NBAS: variants seen among roughly 807,000 people sequenced by gnomAD.
The protein encoded by NBAS is NAG/BC035112 fusion.
A neutral mutation model predicts 302.5 loss-of-function variants in NBAS; 219 were observed. The observed-to-expected ratio is 0.72, with a 90% CI of 0.65 to 0.81. NBAS has a LOEUF of 0.81. Ranked by LOEUF, NBAS falls within the 30% of genes least tolerant of loss-of-function variation. NBAS has a pLI of 0.00. For synonymous variants in NBAS, 1,118 were observed against 1,021.6 expected (o/e 1.09, Z -1.80); for missense variants, 2,932 against 2,841.6 (o/e 1.03, Z -0.72).
intron 50 of NBAS, among the ~76,000 whole-genome samples, chr2:15,186,417 C>T (rs72776608): frequency 0.044 from 6,645 of 152,150 alleles, 313 homozygotes; most frequent in East Asian, 0.17. Flanking sequence ...ACCAACTGGC[C>T]TAGTTCAGAC....
At chr2:15,497,784 G>A (rs1024228096) in intron 11 of NBAS, among the ~76,000 whole-genome samples, 1 of 152,120 alleles carries the variant, frequency 6.6e-6, no homozygotes, top group African/African-American at 2.4e-5. Flanking sequence ...TATTGATGTT[G>A]ATAGCATCCC....
the NBAS span, among the ~76,000 whole-genome samples, chr2:14,921,526 T>C: frequency 1.3e-5 from 2 of 152,180 alleles, no homozygotes; most frequent in Non-Finnish European, 2.9e-5. Flanking sequence ...AATGTCTGAA[T>C]TTTGGCTCCT....
intron 10 of NBAS, among the ~76,000 whole-genome samples, chr2:15,508,961 G>A (rs1196250559): frequency 2.0e-5 from 3 of 151,966 alleles, no homozygotes; most frequent in Non-Finnish European, 4.4e-5. Flanking sequence ...CAAGAAAGCC[G>A]CAGACATCAT....
chr2:15,191,000 AT>A (rs762843193), intron 48 of NBAS, among the ~76,000 whole-genome samples: 4 of 152,026 alleles, frequency 2.6e-5, no homozygotes, highest in Admixed American at 2.0e-4. Flanking sequence ...TAACTAAACG[AT>A]TTTTCTTTTA....
chr2:15,459,734 C>T (rs1290632011), intron 21 of NBAS, among the ~76,000 whole-genome samples: 2 of 152,170 alleles, frequency 1.3e-5, no homozygotes, highest in Non-Finnish European at 2.9e-5. Context: ...CCACCTCGGC[C>T]TCCCAAAGTG....
chr2:15,097,325 C>T, the NBAS span, among the ~76,000 whole-genome samples: 9 of 152,174 alleles, frequency 5.9e-5, no homozygotes, highest in East Asian at 9.7e-4. Flanking sequence ...TAAGTCAGGG[C>T]GCAGAATCCC....
At chr2:15,037,631 A>G in the NBAS span, among the ~76,000 whole-genome samples, 1 of 152,278 alleles carries the variant, frequency 6.6e-6, no homozygotes, top group African/African-American at 2.4e-5. Flanking sequence ...ATTTTTGTAA[A>G]TAACAAAATG....
chr2:15,453,827 G>A (rs544097159), intron 21 of NBAS, among the ~76,000 whole-genome samples: 39 of 151,482 alleles, frequency 2.6e-4, no homozygotes, highest in Non-Finnish European at 5.0e-4. Flanking sequence ...TCACCAGGCT[G>A]GAGTGCAGTG....
At chr2:15,220,528 G>T (rs547408405) in intron 47 of NBAS, among the ~76,000 whole-genome samples, 1 of 152,136 alleles carries the variant, frequency 6.6e-6, no homozygotes, top group Admixed American at 6.5e-5. Context: ...ATGAATGCTT[G>T]GTTATTATAG....
chr2:15,051,665 C>G, the NBAS span, among the ~76,000 whole-genome samples: 1 of 152,224 alleles, frequency 6.6e-6, no homozygotes, highest in African/African-American at 2.4e-5. Context: ...AGTGTACCAT[C>G]ACCATAATTA....
chr2:15,306,414 C>G (rs1374480180), intron 40 of NBAS, among the ~76,000 whole-genome samples: 1 of 152,158 alleles, frequency 6.6e-6, no homozygotes, highest in Non-Finnish European at 1.5e-5. Context: ...CCAATATACA[C>G]CCAATAGTGA....
At chr2:15,363,867 G>A (rs1389788427) in intron 32 of NBAS, among the ~76,000 whole-genome samples, 3 of 152,198 alleles carry the variant, frequency 2.0e-5, no homozygotes, top group Non-Finnish European at 4.4e-5. Context: ...TACACATAAA[G>A]TGGAAGTGAT....
chr2:15,211,159 T>G (rs936201508), intron 48 of NBAS, among the ~76,000 whole-genome samples: 6 of 152,194 alleles, frequency 3.9e-5, no homozygotes, highest in Non-Finnish European at 7.3e-5. Flanking sequence ...GATAAATGCT[T>G]GAGGTGGTAC....
the NBAS span, among the ~76,000 whole-genome samples, chr2:15,034,108 AAGAAGG>A: frequency 2.8e-4 from 41 of 145,588 alleles, no homozygotes; most frequent in East Asian, 6.7e-3. Flanking sequence ...GGAGAAGGAG[AAGAAGG>A]AGAAGGAGAA....
At chr2:14,807,015 G>A in the NBAS span, among the ~76,000 whole-genome samples, 1 of 151,848 alleles carries the variant, frequency 6.6e-6, no homozygotes, top group African/African-American at 2.4e-5. Context: ...TATCTTCACA[G>A]CTTCTCTACA....
chr2:15,153,092 A>G, the NBAS span, among the ~76,000 whole-genome samples: 4 of 152,204 alleles, frequency 2.6e-5, no homozygotes, highest in Admixed American at 6.5e-5. Flanking sequence ...CCTCCAAGTC[A>G]GAAAAATAGA....
the NBAS span, among the ~76,000 whole-genome samples, chr2:14,942,619 T>C: frequency 2.2e-4 from 33 of 152,270 alleles, no homozygotes; most frequent in Admixed American, 1.8e-3. Context: ...TATTCCTTTA[T>C]AGAAATGAGA....
chr2:15,437,913 TC>T (rs1427036630), intron 21 of NBAS, among the ~76,000 whole-genome samples: 1 of 151,944 alleles, frequency 6.6e-6, no homozygotes, highest in Admixed American at 6.6e-5. Flanking sequence ...GAACCAAGGG[TC>T]CAAGAATGAA....
intron 44 of NBAS, among the ~76,000 whole-genome samples, chr2:15,266,664 GA>G (rs1669089516): frequency 6.6e-6 from 1 of 152,148 alleles, no homozygotes. Context: ...TTGATTTCAA[GA>G]TTGCTTGTCA....
Sources: gnomAD v4.1 joint callset for allele counts (sites outside exome capture counted in the v4.1 genomes callset) on GRCh38, gnomAD v4.1.1 for gene constraint, MANE v1.5 for transcripts, NCBI Gene and HGNC (gene_info 2026-07-23, HGNC 2026-07-21) for gene names.